CFAP54: variants seen among roughly 807,000 people sequenced by gnomAD.
CFAP54 encodes the protein cilia and flagella associated protein 54, also known as cilia- and flagella-associated protein 54.
CFAP54 carries 290 observed loss-of-function variants against 370.4 expected under a neutral mutation model. The ratio of observed to expected loss-of-function variants is 0.78; its 90% CI spans 0.71 to 0.86. CFAP54 has a LOEUF of 0.86. Ranked by LOEUF, CFAP54 falls within the 40% of genes least tolerant of loss-of-function variation. The pLI, the probability that CFAP54 is intolerant of heterozygous loss-of-function variation, is 0.00. For missense variants in CFAP54, 3,399 were observed against 3,528.7 expected, an observed-to-expected ratio of 0.96 and a Z score of 0.93; for synonymous variants, 1,206 against 1,236.5, an observed-to-expected ratio of 0.98 and a Z score of 0.52.
chr12:96,811,553 C>T (rs1193099353), intron 63 of CFAP54, among the ~76,000 whole-genome samples, 183 bp from the exon 64 acceptor site: 1 of 152,170 alleles, frequency 6.6e-6, no homozygotes, highest in Non-Finnish European at 1.5e-5. Context: ...TTTCATCCTA[C>T]AACCTTTGTA....
At chr12:96,801,214 A>G (rs996900086) in intron 63 of CFAP54, among the ~76,000 whole-genome samples, 3 of 152,222 alleles carry the variant, frequency 2.0e-5, no homozygotes, top group African/African-American at 7.2e-5. Flanking sequence ...TCAATAATTC[A>G]GAGGGCTAAT....
intron 5 of CFAP54, among the ~76,000 whole-genome samples, chr12:96,513,428 A>G (rs1955195797): frequency 6.6e-6 from 1 of 152,100 alleles, no homozygotes; most frequent in Non-Finnish European, 1.5e-5. Context: ...AATTATCAGT[A>G]GTGCCCACTT....
At chr12:96,838,149 T>C (rs1176197808) in intron 66 of CFAP54, among the ~76,000 whole-genome samples, 1 of 152,182 alleles carries the variant, frequency 6.6e-6, no homozygotes, top group Middle Eastern at 3.2e-3. Flanking sequence ...TTCCGCTGAT[T>C]AGGAAGACCT....
chr12:96,656,046 G>A (rs796821595), intron 36 of CFAP54, among the ~76,000 whole-genome samples: 12 of 152,176 alleles, frequency 7.9e-5, no homozygotes, highest in African/African-American at 2.6e-4. Flanking sequence ...TGCAGCTGGT[G>A]GTGGGTACAT....
intron 29 of CFAP54, 57 bp downstream of exon 29, chr12:96,625,864 ATTCTGTGGAT>A: frequency 2.3e-6 from 3 of 1,285,836 alleles, no homozygotes; most frequent in Admixed American, 4.4e-5. Flanking sequence ...AAGAGAATTA[ATTCTGTGGAT>A]TTTGTTTCTG....
intron 50 of CFAP54, among the ~76,000 whole-genome samples, chr12:96,732,468 A>G (rs1217652115): frequency 3.3e-5 from 5 of 152,196 alleles, no homozygotes; most frequent in Non-Finnish European, 7.3e-5. Flanking sequence ...AAGACATTAA[A>G]GAGATTCATG....
At chr12:96,684,878 A>G (rs952090578) in intron 41 of CFAP54, 143 bp downstream of exon 41, 16 of 942,012 alleles carry the variant, frequency 1.7e-5, no homozygotes, top group Non-Finnish European at 2.3e-5. Context: ...ATCAAATGCT[A>G]CCTGAGAGAA....
intron 60 of CFAP54, among the ~76,000 whole-genome samples, chr12:96,766,186 C>T (rs184139916): frequency 1.5e-3 from 228 of 152,282 alleles, no homozygotes; most frequent in African/African-American, 5.1e-3. Flanking sequence ...TAATGTCTAA[C>T]GTCCCCCTCT....
chr12:96,507,518 AAC>A (rs979958156), intron 4 of CFAP54, among the ~76,000 whole-genome samples: 6 of 116,082 alleles, frequency 5.2e-5, no homozygotes, highest in Non-Finnish European at 8.9e-5. Flanking sequence ...ACTGCTGAGG[AAC>A]ACACACACAC....
chr12:96,642,278 C>T (rs1017576678), intron 32 of CFAP54, among the ~76,000 whole-genome samples: 1 of 152,088 alleles, frequency 6.6e-6, no homozygotes, highest in Non-Finnish European at 1.5e-5. Flanking sequence ...CTTGTACACA[C>T]CTTGTACAGC....
At chr12:96,762,840 C>T (rs1241694782) in intron 58 of CFAP54, among the ~76,000 whole-genome samples, 1 of 151,634 alleles carries the variant, frequency 6.6e-6, no homozygotes, top group East Asian at 1.9e-4. Context: ...GTAGATCTTT[C>T]CAGGTGTCAT....
At chr12:96,828,069 T>C (rs1039289962) in intron 65 of CFAP54, among the ~76,000 whole-genome samples, 1 of 130,648 alleles carries the variant, frequency 7.7e-6, no homozygotes, top group Non-Finnish European at 1.6e-5. Context: ...TATTAATATA[T>C]AATTATATAT....
At chr12:96,506,436 T>A (rs1258267622) in intron 3 of CFAP54, among the ~76,000 whole-genome samples, 2 of 151,816 alleles carry the variant, frequency 1.3e-5, no homozygotes, top group Non-Finnish European at 2.9e-5. Context: ...TAGTCTTAAC[T>A]AGATGGATGT....
At chr12:96,839,757 T>C (rs1959200068) in intron 66 of CFAP54, among the ~76,000 whole-genome samples, 1 of 152,164 alleles carries the variant, frequency 6.6e-6, no homozygotes, top group Non-Finnish European at 1.5e-5. Flanking sequence ...GGGGCTGGAA[T>C]TGCTGAAGGC....
At chr12:96,603,574 C>G (rs1214995693) in intron 26 of CFAP54, among the ~76,000 whole-genome samples, 1 of 152,198 alleles carries the variant, frequency 6.6e-6, no homozygotes, top group Non-Finnish European at 1.5e-5. Context: ...TCCATTCTCC[C>G]GTCACTATCA....
At chr12:96,530,655 T>A (rs1955431823) in intron 9 of CFAP54, among the ~76,000 whole-genome samples, 1 of 152,214 alleles carries the variant, frequency 6.6e-6, no homozygotes, top group Non-Finnish European at 1.5e-5. Context: ...CAAGTTTTTG[T>A]GTGAAGGTAA....
At position 96,708,821 on chromosome 12, in the gene CFAP54, TG is replaced by T; in HGVS notation, c.6724+19del. The T allele has an allele frequency of 1.3e-6, 2 of 1,580,058 alleles. No homozygotes were observed. The highest frequency in any genetic ancestry group is 1.7e-6 in the Non-Finnish European group (2 of 1,161,656). On this transcript the variant is annotated intron_variant, in intron 48 of 67. Coordinates refer to ENST00000524981, the MANE Select transcript of CFAP54 (RefSeq NM_001306084.2). ...CTTGGAAGGTAATTGTTTTATTTTTTGCTTATTTCTCTTTCTCCTCCCTTTC... is the reference window on the plus strand; with the variant it reads ...CTTGGAAGGTAATTGTTTTATTTTTTCTTATTTCTCTTTCTCCTCCCTTTC...
intron 39 of CFAP54, among the ~76,000 whole-genome samples, chr12:96,665,101 C>A (rs1242342827): frequency 1.3e-5 from 1 of 77,934 alleles, no homozygotes; most frequent in African/African-American, 6.2e-5. Flanking sequence ...TGATTGTTGG[C>A]CACATGTATG....
chr12:96,529,644 T>C (rs1002211279), intron 9 of CFAP54, among the ~76,000 whole-genome samples: 2 of 152,222 alleles, frequency 1.3e-5, no homozygotes, highest in Non-Finnish European at 2.9e-5. Context: ...CACTATTGGA[T>C]ATCCTATTTT....
Sources: allele counts gnomAD v4.1 joint callset (sites outside exome capture counted in the v4.1 genomes callset), GRCh38; gene constraint gnomAD v4.1.1; transcripts MANE v1.5; gene names NCBI Gene and HGNC (gene_info 2026-07-23, HGNC 2026-07-21).